GRIN3A: variants seen among roughly 807,000 people sequenced by gnomAD.
The protein encoded by GRIN3A is glutamate ionotropic receptor NMDA type subunit 3A.
GRIN3A carries 47 observed loss-of-function variants against 92.4 expected under a neutral mutation model. The ratio of observed to expected loss-of-function variants is 0.51; its 90% CI spans 0.40 to 0.65. The LOEUF is 0.65. Ranked by LOEUF, GRIN3A falls within the 30% of genes least tolerant of loss-of-function variation. The pLI, the probability that GRIN3A is intolerant of heterozygous loss-of-function variation, is 0.00. For synonymous variants in GRIN3A, 527 were observed against 540.6 expected (o/e 0.97, Z 0.35); for missense variants, 1,324 against 1,393.1 (o/e 0.95, Z 0.79).
chr9:101,723,553 G>A lies in GRIN3A; in HGVS notation c.699+13728C>T, dbSNP rs565290083. On this transcript the variant is annotated intron_variant, in intron 1 of 8. Coordinates refer to ENST00000361820, the MANE Select transcript of GRIN3A (RefSeq NM_133445.3). Reference sequence around the variant, plus strand: ...CCGAGCCAGTTGCCACTGCTGGCTCGGGCAGCCTGCTTTTATTCTCTTATC... The same window carrying A: ...CCGAGCCAGTTGCCACTGCTGGCTCAGGCAGCCTGCTTTTATTCTCTTATC... Among the ~76,000 whole-genome samples the A allele has an allele frequency of 9.9e-5, 15 of 152,250 alleles. No homozygotes were observed. The East Asian group carries it at 2.5e-3, about 25-fold the overall frequency.
intron 2 of GRIN3A, among the ~76,000 whole-genome samples, chr9:101,672,416 A>C (rs1371919455): frequency 6.6e-6 from 1 of 152,198 alleles, no homozygotes; most frequent in Non-Finnish European, 1.5e-5. Context: ...TGGGAAACAC[A>C]AAGTATTGCA....
At chr9:101,704,454 A>C (rs1352923251) in intron 1 of GRIN3A, among the ~76,000 whole-genome samples, 1 of 152,162 alleles carries the variant, frequency 6.6e-6, no homozygotes, top group Non-Finnish European at 1.5e-5. Flanking sequence ...GACAATTCTC[A>C]ACTTAGAATG....
At chr9:101,714,793 A>G (rs564761527) in intron 1 of GRIN3A, among the ~76,000 whole-genome samples, 2 of 152,346 alleles carry the variant, frequency 1.3e-5, no homozygotes, top group Admixed American at 1.3e-4. Flanking sequence ...CAAATGAACT[A>G]TTCATAGACA....
intron 6 of GRIN3A, among the ~76,000 whole-genome samples, chr9:101,583,418 G>A (rs1401750346): frequency 1.3e-5 from 2 of 152,092 alleles, no homozygotes; most frequent in Admixed American, 6.5e-5. Context: ...GTAATTCAGC[G>A]GTTCCTCCCC....
chr9:101,700,611 A>C (rs1391954451), intron 1 of GRIN3A, among the ~76,000 whole-genome samples: 1 of 152,214 alleles, frequency 6.6e-6, no homozygotes, highest in Non-Finnish European at 1.5e-5. Context: ...AATTATTCAT[A>C]ATACAATTAT....
At chr9:101,605,229 G>T (rs797020021) in intron 6 of GRIN3A, among the ~76,000 whole-genome samples, 18 of 152,308 alleles carry the variant, frequency 1.2e-4, no homozygotes, top group African/African-American at 3.8e-4. Flanking sequence ...TTTGTCAAAG[G>T]TCATGGAACT....
At chr9:101,575,459 GT>G (rs1487542573) in intron 8 of GRIN3A, among the ~76,000 whole-genome samples, 2 of 152,100 alleles carry the variant, frequency 1.3e-5, no homozygotes, top group Admixed American at 6.6e-5. Context: ...GAAAACAGGG[GT>G]GACATGTATT....
At chr9:101,705,564 G>T (rs1270646340) in intron 1 of GRIN3A, among the ~76,000 whole-genome samples, 1 of 152,126 alleles carries the variant, frequency 6.6e-6, no homozygotes, top group East Asian at 1.9e-4. Context: ...GGCTAAAGGA[G>T]CACACTGTAA....
intron 6 of GRIN3A, chr9:101,594,480 T>C: frequency 1.9e-6 from 3 of 1,614,172 alleles, no homozygotes; most frequent in Non-Finnish European, 2.5e-6. Context: ...TCAAAGGATA[T>C]CTTCCCATCG....
intron 1 of GRIN3A, among the ~76,000 whole-genome samples, chr9:101,700,541 T>A (rs1372482278): frequency 6.6e-6 from 1 of 152,210 alleles, no homozygotes; most frequent in Non-Finnish European, 1.5e-5. Flanking sequence ...ACTCAATGTG[T>A]GTCCTTCATT....
At chr9:101,653,366 T>C (rs1200704892) in intron 3 of GRIN3A, among the ~76,000 whole-genome samples, 2 of 151,936 alleles carry the variant, frequency 1.3e-5, no homozygotes, top group Non-Finnish European at 2.9e-5. Flanking sequence ...GAATTTATGA[T>C]GAACTCTAAA....
intron 1 of GRIN3A, among the ~76,000 whole-genome samples, chr9:101,736,344 G>A (rs1426708941): frequency 2.0e-5 from 3 of 152,156 alleles, no homozygotes; most frequent in East Asian, 1.9e-4. Flanking sequence ...ACATATAAAA[G>A]GCAGAAAACT....
At chr9:101,603,388 C>T (rs552423574) in intron 6 of GRIN3A, among the ~76,000 whole-genome samples, 2 of 152,262 alleles carry the variant, frequency 1.3e-5, no homozygotes, top group East Asian at 1.9e-4. Flanking sequence ...TCGCCATAAA[C>T]GATCTCATTA....
intron 2 of GRIN3A, among the ~76,000 whole-genome samples, chr9:101,677,354 A>T (rs1829411905): frequency 6.6e-6 from 1 of 150,942 alleles, no homozygotes; most frequent in Non-Finnish European, 1.5e-5. Context: ...TCTTTATTTT[A>T]TTTTATTTTT....
chr9:101,605,685 A>T (rs1335918321), intron 6 of GRIN3A, among the ~76,000 whole-genome samples: 1 of 152,194 alleles, frequency 6.6e-6, no homozygotes, highest in Non-Finnish European at 1.5e-5. Flanking sequence ...AAGTTCAGAT[A>T]TGGGGTACTG....
At chr9:101,619,335 A>G (rs1828516809) in intron 5 of GRIN3A, among the ~76,000 whole-genome samples, 1 of 152,172 alleles carries the variant, frequency 6.6e-6, no homozygotes, top group African/African-American at 2.4e-5. Context: ...GGTTTCCCTT[A>G]GCCTCAGCAT....
chr9:101,667,696 A>G (rs994391183), intron 3 of GRIN3A, among the ~76,000 whole-genome samples: 1 of 152,068 alleles, frequency 6.6e-6, no homozygotes, highest in Non-Finnish European at 1.5e-5. Flanking sequence ...GTACATTCTG[A>G]GTGACTGAGG....
chr9:101,667,244 T>G (rs1368232117), intron 3 of GRIN3A, among the ~76,000 whole-genome samples: 1 of 151,904 alleles, frequency 6.6e-6, no homozygotes. Context: ...GGTAATACAT[T>G]ATATTACAAA....
intron 1 of GRIN3A, among the ~76,000 whole-genome samples, chr9:101,736,891 C>T (rs1330612978): frequency 6.6e-6 from 1 of 152,030 alleles, no homozygotes; most frequent in Non-Finnish European, 1.5e-5. Flanking sequence ...GTCAGGGATA[C>T]CCCACCCCCA....
Sources: gnomAD v4.1 joint callset for allele counts (sites outside exome capture counted in the v4.1 genomes callset) on GRCh38, gnomAD v4.1.1 for gene constraint, MANE v1.5 for transcripts, NCBI Gene and HGNC (gene_info 2026-07-23, HGNC 2026-07-21) for gene names.